Variants in STRIP2 observed in about 807,000 individuals in gnomAD.
STRIP2 encodes striatin-interacting protein 2.
A neutral mutation model predicts 107.1 loss-of-function variants in STRIP2; 84 were observed. The ratio of observed to expected loss-of-function variants is 0.78; its 90% CI spans 0.66 to 0.94. The LOEUF is 0.94. STRIP2 is among the 40% of genes least tolerant of loss of function. The pLI, the probability that STRIP2 is intolerant of heterozygous loss-of-function variation, is 0.00. For missense variants in STRIP2, 888 were observed against 1,034.2 expected, an observed-to-expected ratio of 0.86 and a Z score of 1.94; for synonymous variants, 394 against 400.4, an observed-to-expected ratio of 0.98 and a Z score of 0.19.
intron 1 of STRIP2, 23 bp from the exon 2 acceptor site, chr7:129,439,999 C>G: frequency 6.2e-7 from 1 of 1,608,500 alleles, no homozygotes; most frequent in Non-Finnish European, 8.5e-7. Context: ...ATCCCAGTTA[C>G]CAACAAAATT....
intron 17 of STRIP2, among the ~76,000 whole-genome samples, chr7:129,467,729 T>C (rs574076108): frequency 1.3e-5 from 2 of 152,318 alleles, no homozygotes; most frequent in South Asian, 4.1e-4. Context: ...GTCAGGTGGA[T>C]CCAGGGGTTG....
intron 9 of STRIP2, 97 bp downstream of exon 9, chr7:129,456,739 C>A: frequency 8.6e-7 from 1 of 1,167,870 alleles, no homozygotes; most frequent in African/African-American, 1.5e-5. Flanking sequence ...CAGTAAATGA[C>A]CCGGCTCATC....
At chr7:129,464,790 A>G (rs769548468) in intron 16 of STRIP2, 52 bp downstream of exon 16, 24 of 1,611,060 alleles carry the variant, frequency 1.5e-5, no homozygotes, top group Middle Eastern at 3.3e-4. Context: ...GCCAGGCCCT[A>G]TCTCTCAAAG....
At chr7:129,470,041 T>C (rs1328397049) in intron 17 of STRIP2, among the ~76,000 whole-genome samples, 1 of 152,210 alleles carries the variant, frequency 6.6e-6, no homozygotes, top group Non-Finnish European at 1.5e-5. Context: ...TCCTAACTCA[T>C]GCCTGCTTCC....
chr7:129,482,373 A>ATTTTTTTTTTT (rs1183916410), intron 19 of STRIP2, among the ~76,000 whole-genome samples: 1 of 84,620 alleles, frequency 1.2e-5, no homozygotes, highest in African/African-American at 3.6e-5. Flanking sequence ...ATATATATAT[A>ATTTTTTTTTTT]TATATTTTTT....
rs187128112 is a variant in STRIP2 at position 129,468,861 on chromosome 7, C to T, written c.1877+1411C>T. Among the ~76,000 whole-genome samples the T allele has an allele frequency of 3.0e-3, 464 of 152,304 alleles. 2 individuals are homozygous for T. The highest frequency in any genetic ancestry group is 0.019 in the South Asian group (91 of 4,824). ...TGCAGCTCTGGACCTCAGGGTTGGC[C>T]TGTAGTGTGGGGAGCCCAGAAAGCC... On this transcript the variant is annotated intron_variant, in intron 17 of 20. Coordinates refer to ENST00000249344, the MANE Select transcript of STRIP2 (RefSeq NM_020704.3).
intron 17 of STRIP2, among the ~76,000 whole-genome samples, chr7:129,469,832 T>C (rs1798751580): frequency 6.6e-6 from 1 of 152,214 alleles, no homozygotes; most frequent in Admixed American, 6.5e-5. Context: ...TTTGCCAACA[T>C]CCTTTATCCA....
chr7:129,485,475 A>AAAATT, intron 20 of STRIP2, 104 bp from the exon 21 acceptor site: 1 of 1,277,714 alleles, frequency 7.8e-7, no homozygotes, highest in Non-Finnish European at 1.1e-6. Context: ...AAAAAAAAGA[A>AAAATT]TTTCTGAGCA....
At chr7:129,435,808 C>G (rs1797722394) in intron 1 of STRIP2, among the ~76,000 whole-genome samples, 1 of 152,200 alleles carries the variant, frequency 6.6e-6, no homozygotes, top group Non-Finnish European at 1.5e-5. Context: ...AGTGGCAGAG[C>G]TGGTACTAGA....
chr7:129,434,646 C>T, intron 1 of STRIP2, 45 bp downstream of exon 1: 1 of 1,429,148 alleles, frequency 7.0e-7, no homozygotes, highest in Non-Finnish European at 9.1e-7. Flanking sequence ...AGACGCCCGC[C>T]GGCGGGAAGC....
In STRIP2 at chr7:129,480,853, C is replaced by T. The variant is rs573469719; in HGVS notation, c.2013C>T (p.Leu671=). Residue 671 remains leucine, a synonymous_variant, in exon 19 of 21, where the codon CTC becomes CTT. Coordinates refer to ENST00000249344, the MANE Select transcript of STRIP2 (RefSeq NM_020704.3). ...LFSCINLLRL[L]NKLTKWKHSR... Reference sequence around the variant, plus strand: ...CCTGCATCAACCTCCTGAGGCTGCTCAATAAACTGACCAAATGGAAACATT... The same window carrying T: ...CCTGCATCAACCTCCTGAGGCTGCTTAATAAACTGACCAAATGGAAACATT... 1.2e-6 allele frequency: 2 copies of T among 1,613,744 alleles called. No individual in the cohort carries two copies. The highest frequency in any genetic ancestry group is 1.7e-6 in the Non-Finnish European group (2 of 1,179,840).
At chr7:129,462,388 C>G (rs1027506052) in intron 13 of STRIP2, among the ~76,000 whole-genome samples, 5 of 152,172 alleles carry the variant, frequency 3.3e-5, no homozygotes, top group African/African-American at 1.2e-4. Context: ...GTGGCCTGAG[C>G]AGCTTATTGG....
In STRIP2 at chr7:129,483,749, T is replaced by C. The variant is rs1799182844; in HGVS notation, c.2254+703T>C. 1 of 152,192 alleles carries C rather than the reference T, an allele frequency of 6.6e-6. No individual in the cohort carries two copies. The highest frequency in any genetic ancestry group is 1.5e-5 in the Non-Finnish European group (1 of 67,970). The allele number at this position is 152,192 out of a possible 1,614,324, so 9.4% of individuals were successfully genotyped here. A position where few individuals can be genotyped will look rare whatever the true frequency, so the allele number is the denominator to read the frequency against. On this transcript the variant is annotated intron_variant, in intron 20 of 20. Coordinates refer to ENST00000249344, the MANE Select transcript of STRIP2 (RefSeq NM_020704.3). This position sits in a 1 kb window ranked among gnomAD's most constrained non-coding sequence, Gnocchi z 5.1. ...GTTAATTATTTTTGTTTTCTGTTTT[T>C]TGTTTGTTTGTTTTTTTGAGAGGGT...
intron 3 of STRIP2, 95 bp from the exon 4 acceptor site, chr7:129,451,518 G>A: frequency 6.9e-7 from 1 of 1,447,898 alleles, no homozygotes; most frequent in East Asian, 2.3e-5. Context: ...AATTTTGGCA[G>A]GGGAGCTGAG....
At chr7:129,454,387 T>G in intron 6 of STRIP2, 34 bp from the exon 7 acceptor site, 3 of 1,575,094 alleles carry the variant, frequency 1.9e-6, no homozygotes, top group Non-Finnish European at 2.6e-6. Context: ...GGGAATTGCC[T>G]TGGGAACCTC....
chr7:129,455,308 C>A lies in STRIP2; in HGVS notation c.771C>A (p.Cys257Ter). The change falls in exon 8 of 21, where the codon TGC becomes TGA. Residue 257 changes from cysteine to a stop codon, truncating the protein, a stop_gained. Transcript: ENST00000249344. LOFTEE classifies it high-confidence loss of function. ...LLLFSMVTKF[C>*]SGLAPHFPIK... ...TCTTCTCCATGGTTACCAAGTTCTG[C>A]AGTGGCCTGGCTCCTCACTTCCCCA... is the stretch of plus-strand genomic sequence containing the variant. 6.2e-7 allele frequency: 1 copy of A among 1,614,024 alleles called. No homozygotes were observed. The highest frequency in any genetic ancestry group is 1.1e-5 in the South Asian group (1 of 91,058).
intron 1 of STRIP2, among the ~76,000 whole-genome samples, chr7:129,436,121 G>A (rs1369700854): frequency 2.6e-5 from 4 of 152,006 alleles, no homozygotes; most frequent in East Asian, 3.8e-4. Context: ...CATTGTTCTC[G>A]TTCAAATGTT....
At chr7:129,482,402 G>A (rs1196721812) in intron 19 of STRIP2, among the ~76,000 whole-genome samples, 2 of 116,594 alleles carry the variant, frequency 1.7e-5, no homozygotes, top group African/African-American at 3.2e-5. Flanking sequence ...TTTTGAGACG[G>A]AGTCTTGCTC....
rs1169305870 is a variant in STRIP2, at chr7:129,486,114, A to G, written c.*285A>G. 1.2e-5 allele frequency: 4 copies of G among 347,130 alleles called. No homozygotes were observed. In the South Asian group the frequency reaches 1.3e-4, roughly 11 times the overall value. 21.5% of individuals were successfully genotyped at this position (347,130 alleles called of 1,614,324 possible). A position where few individuals can be genotyped will look rare whatever the true frequency, so the allele number is the denominator to read the frequency against. On this transcript the variant is annotated 3_prime_UTR_variant, in exon 21 of 21. Coordinates refer to ENST00000249344, the MANE Select transcript of STRIP2 (RefSeq NM_020704.3). ...TTAGTCTTGGCTACAACCAGGCTAG[A>G]CTTTGCTGGCTCTAAAAGAGGAAAT...
Sources: gnomAD v4.1 joint callset for allele counts (sites outside exome capture counted in the v4.1 genomes callset) on GRCh38, gnomAD v4.1.1 for gene constraint, Gnocchi (gnomAD v3.1) non-coding constraint, MANE v1.5 for transcripts, NCBI Gene and HGNC (gene_info 2026-07-23, HGNC 2026-07-21) for gene names.